Variants in PEBP4 observed in about 807,000 individuals in gnomAD.
PEBP4 encodes phosphatidylethanolamine binding protein 4, also known as phosphatidylethanolamine-binding protein 4.
A neutral mutation model predicts 23.9 loss-of-function variants in PEBP4; 22 were observed. That is an observed-to-expected ratio of 0.92 (90% confidence interval 0.66 to 1.31). The LOEUF is 1.31. PEBP4 is among the 40% of genes most tolerant of loss of function. PEBP4 has a pLI of 0.00. For missense variants in PEBP4, 324 were observed against 281.7 expected (o/e 1.15, Z -1.07); for synonymous variants, 112 against 99.3 (o/e 1.13, Z -0.76).
At chr8:22,899,079 G>A (rs1428501637) in intron 3 of PEBP4, among the ~76,000 whole-genome samples, 2 of 152,334 alleles carry the variant, frequency 1.3e-5, no homozygotes, top group East Asian at 3.9e-4. Flanking sequence ...TAGGACCCTG[G>A]ACAAGCTACA....
At chr8:22,940,032 T>A (rs961250044) in intron 1 of PEBP4, among the ~76,000 whole-genome samples, 25 of 152,268 alleles carry the variant, frequency 1.6e-4, no homozygotes, top group African/African-American at 5.8e-4. Context: ...GGCAATCACC[T>A]GCCGTCATGT....
At chr8:22,773,429 C>T (rs1303604060) in intron 4 of PEBP4, among the ~76,000 whole-genome samples, 2 of 152,028 alleles carry the variant, frequency 1.3e-5, no homozygotes, top group Non-Finnish European at 2.9e-5. Flanking sequence ...GGAAGAAAGG[C>T]GGGGAGGGAG....
At chr8:22,743,251 G>A (rs1805037416) in intron 4 of PEBP4, among the ~76,000 whole-genome samples, 1 of 152,070 alleles carries the variant, frequency 6.6e-6, no homozygotes, top group African/African-American at 2.4e-5. Flanking sequence ...GGAGGCTACT[G>A]ACCTCCTGGG....
chr8:22,862,824 G>A (rs940035358), intron 3 of PEBP4, among the ~76,000 whole-genome samples: 9 of 145,762 alleles, frequency 6.2e-5, no homozygotes, highest in South Asian at 2.2e-4. Context: ...TTTTTGAGAC[G>A]GAGTGTCGCT....
chr8:22,817,925 T>C (rs559094266), intron 3 of PEBP4, among the ~76,000 whole-genome samples, 190 bp from the exon 4 acceptor site: 1 of 152,272 alleles, frequency 6.6e-6, no homozygotes, highest in African/African-American at 2.4e-5. Flanking sequence ...ATGGCATCTG[T>C]GAAGCAGACA....
At chr8:22,751,789 G>A (rs757536627) in intron 4 of PEBP4, among the ~76,000 whole-genome samples, 3 of 152,220 alleles carry the variant, frequency 2.0e-5, no homozygotes, top group Non-Finnish European at 4.4e-5. Flanking sequence ...GGCCCCAGAT[G>A]TGGATGGGGC....
At chr8:22,801,046 T>C (rs1585280064) in intron 4 of PEBP4, among the ~76,000 whole-genome samples, 1 of 152,014 alleles carries the variant, frequency 6.6e-6, no homozygotes, top group African/African-American at 2.4e-5. Context: ...CTCTTAATCC[T>C]AACCTTCTTC....
At chr8:22,919,096 T>C (rs1368374643) in intron 3 of PEBP4, among the ~76,000 whole-genome samples, 1 of 152,188 alleles carries the variant, frequency 6.6e-6, no homozygotes, top group African/African-American at 2.4e-5. Context: ...GAAAAACACT[T>C]CAAAGAGAAG....
chr8:22,731,550 G>A (rs1804731347), intron 4 of PEBP4, among the ~76,000 whole-genome samples: 1 of 152,250 alleles, frequency 6.6e-6, no homozygotes, highest in South Asian at 2.1e-4. Flanking sequence ...TTAAATTTGG[G>A]GAGAGTCCAA....
intron 4 of PEBP4, among the ~76,000 whole-genome samples, chr8:22,752,899 T>C (rs184213845): frequency 6.6e-6 from 1 of 152,360 alleles, no homozygotes; most frequent in Non-Finnish European, 1.5e-5. Context: ...GGATGCCCGT[T>C]AATTTTACAG....
At chr8:22,806,564 G>A (rs554074136) in intron 4 of PEBP4, among the ~76,000 whole-genome samples, 22 of 148,044 alleles carry the variant, frequency 1.5e-4, no homozygotes, top group African/African-American at 4.8e-4. Context: ...GCAATGAGCC[G>A]AGATCATGCC....
intron 6 of PEBP4, among the ~76,000 whole-genome samples, chr8:22,723,661 C>T (rs1168714191): frequency 1.3e-5 from 2 of 152,234 alleles, no homozygotes; most frequent in Admixed American, 1.3e-4. Context: ...CTTCTCTCTG[C>T]ATCTAAACTT....
intron 4 of PEBP4, among the ~76,000 whole-genome samples, chr8:22,777,103 A>T (rs1380899840): frequency 6.6e-6 from 1 of 152,044 alleles, no homozygotes; most frequent in Non-Finnish European, 1.5e-5. Flanking sequence ...GTCAGAGCAT[A>T]CAAGTGAGAA....
chr8:22,777,840 C>G (rs568961238), intron 4 of PEBP4, among the ~76,000 whole-genome samples: 6 of 152,224 alleles, frequency 3.9e-5, no homozygotes, highest in African/African-American at 1.4e-4. Context: ...AGGCTGAGGG[C>G]GTGTGGGAGA....
intron 3 of PEBP4, among the ~76,000 whole-genome samples, chr8:22,873,375 C>T (rs1808050349): frequency 6.6e-6 from 1 of 152,116 alleles, no homozygotes; most frequent in African/African-American, 2.4e-5. Flanking sequence ...ATGCCTATAA[C>T]CCCAGCACTT....
At chr8:22,911,737 C>A (rs180889535) in intron 3 of PEBP4, among the ~76,000 whole-genome samples, 11 of 152,212 alleles carry the variant, frequency 7.2e-5, no homozygotes, top group Admixed American at 5.2e-4. Flanking sequence ...AGATCCCAAA[C>A]ATGTGAAGAG....
intron 6 of PEBP4, among the ~76,000 whole-genome samples, chr8:22,714,068 C>G (rs1048515086): frequency 2.6e-5 from 4 of 152,246 alleles, no homozygotes; most frequent in Non-Finnish European, 2.9e-5. Context: ...GTCTCTGTCC[C>G]AGGACAGGGG....
intron 3 of PEBP4, among the ~76,000 whole-genome samples, chr8:22,818,671 G>A (rs1289139201): frequency 1.3e-5 from 2 of 152,116 alleles, no homozygotes; most frequent in Non-Finnish European, 2.9e-5. Flanking sequence ...GGATTCTTTT[G>A]GCTGCTGAGT....
chr8:22,827,898 CT>C lies in PEBP4; in HGVS notation c.259-10164del, dbSNP rs1270587964. On this transcript the variant is annotated intron_variant, in intron 3 of 6. Coordinates refer to ENST00000256404, the MANE Select transcript of PEBP4 (RefSeq NM_144962.3). The stretch of plus-strand genomic sequence containing the variant: ...TTTGTCAACACTTATAATTGTCTGT[CT>C]TTTGATTGTGGCCATGCTAGTGGGT... 2.6e-5 allele frequency among the ~76,000 whole-genome samples: 4 copies of C among 152,128 alleles called. No homozygotes were observed. In the South Asian group the frequency reaches 6.2e-4, roughly 24 times the overall value.
Sources: gnomAD v4.1 joint callset for allele counts (sites outside exome capture counted in the v4.1 genomes callset) on GRCh38, gnomAD v4.1.1 for gene constraint, MANE v1.5 for transcripts, NCBI Gene and HGNC (gene_info 2026-07-23, HGNC 2026-07-21) for gene names.